MAP2K5: variants seen among roughly 807,000 people sequenced by gnomAD.
MAP2K5 encodes the protein mitogen-activated protein kinase kinase 5.
MAP2K5 carries 49 observed loss-of-function variants against 83.1 expected under a neutral mutation model. The ratio of observed to expected loss-of-function variants is 0.59; its 90% CI spans 0.47 to 0.75. The LOEUF (loss-of-function observed/expected upper bound fraction) is 0.75, where lower values mean the gene tolerates loss of function less well. Ranked by LOEUF, MAP2K5 falls within the 30% of genes least tolerant of loss-of-function variation. The probability of loss-of-function intolerance (pLI) is 0.00; values close to 1 mark genes in which losing one functional copy is unlikely to be tolerated. For synonymous variants in MAP2K5, 202 were observed against 191.8 expected, an observed-to-expected ratio of 1.05 and a Z score of -0.44; for missense variants, 457 against 557.5, an observed-to-expected ratio of 0.82 and a Z score of 1.82.
At position 67,748,413 on chromosome 15, in the gene MAP2K5, T is replaced by G; in HGVS notation, c.1101+156T>G. ...GTATTAGATTAGGTACCATTAGAAA[T>G]AATAGAACCTCCTGAGCATCAATGT... On this transcript the variant is annotated intron_variant, in intron 18 of 21. Transcript: ENST00000178640. The surrounding 1 kb of genome is among the most constrained non-coding windows in gnomAD (Gnocchi z 4.0). 1 of 826,902 alleles carries G rather than the reference T, an allele frequency of 1.2e-6. No individual in the cohort carries two copies. Among genetic ancestry groups the G allele is most frequent in the Non-Finnish European group, 2.0e-6 (1 of 511,114 alleles). The allele number at this position is 826,902 out of a possible 1,614,324, so 51.2% of individuals were successfully genotyped here. A position where few individuals can be genotyped will look rare whatever the true frequency, so the allele number is the denominator to read the frequency against.
chr15:67,727,946 G>A lies in MAP2K5; in HGVS notation c.1074+1G>A. ...TCTTGGGAGGTTTCCATATCCTCAG[G>A]TAAGATTGTTCATTACTGCTGTTTG... On this transcript the variant is annotated splice_donor_variant, in intron 17 of 21. Coordinates refer to ENST00000178640, the MANE Select transcript of MAP2K5 (RefSeq NM_145160.3). LOFTEE classifies it high-confidence loss of function. 2 of 1,611,450 alleles carry A rather than the reference G, an allele frequency of 1.2e-6. No individual in the cohort carries two copies. The highest frequency in any genetic ancestry group is 1.7e-6 in the Non-Finnish European group (2 of 1,177,664).
rs538395214 is a variant in MAP2K5 at position 67,602,558 on chromosome 15, G to A, written c.545+1809G>A. Among the ~76,000 whole-genome samples, 4 of 152,304 alleles carry A rather than the reference G, an allele frequency of 2.6e-5. No homozygotes were observed. The South Asian group carries it at 8.3e-4, about 32-fold the overall frequency. ...TTCCTAGCTTATTTCTAGAAGGGAAGAAGCATAAGACCATGAAACCCCAGC... is the reference window on the plus strand; with the variant it reads ...TTCCTAGCTTATTTCTAGAAGGGAAAAAGCATAAGACCATGAAACCCCAGC... On this transcript the variant is annotated intron_variant, in intron 8 of 21. Coordinates refer to ENST00000178640, the MANE Select transcript of MAP2K5 (RefSeq NM_145160.3).
At chr15:67,600,104 G>A (rs75307597) in intron 7 of MAP2K5, among the ~76,000 whole-genome samples, 2,556 of 151,964 alleles carry the variant, frequency 0.017, 80 homozygotes, top group African/African-American at 0.058. Flanking sequence ...CATTGATTTC[G>A]TGCTTTTCCA....
At chr15:67,593,095 C>A in intron 7 of MAP2K5, 121 bp downstream of exon 7, 1 of 660,726 alleles carries the variant, frequency 1.5e-6, no homozygotes. Context: ...AAATGAATAA[C>A]ATGGCTTAAT....
rs2090569894 is a variant in MAP2K5, at chr15:67,794,427, G to A, written c.1243-12219G>A. ...GTGCATTTCCTTTTTTAAAAAAGGAGGGGTCTGTTTCAGATGGAAAACATT... is the reference window on the plus strand; with the variant it reads ...GTGCATTTCCTTTTTTAAAAAAGGAAGGGTCTGTTTCAGATGGAAAACATT... On this transcript the variant is annotated intron_variant, in intron 21 of 21. Transcript: ENST00000178640. This position sits in a 1 kb window ranked among gnomAD's most constrained non-coding sequence, Gnocchi z 4.6. Among the ~76,000 whole-genome samples the A allele has an allele frequency of 6.6e-6, 1 of 151,924 alleles. No homozygotes were observed. The highest frequency in any genetic ancestry group is 6.6e-5 in the Admixed American group (1 of 15,246).
intron 13 of MAP2K5, among the ~76,000 whole-genome samples, chr15:67,680,477 A>T (rs1264662354): frequency 6.6e-6 from 1 of 152,174 alleles, no homozygotes; most frequent in African/African-American, 2.4e-5. Context: ...AATGTTTCAT[A>T]CTTTGTTAAA....
chr15:67,712,662 T>C (rs1009295560), intron 16 of MAP2K5, among the ~76,000 whole-genome samples: 4 of 152,130 alleles, frequency 2.6e-5, no homozygotes, highest in Non-Finnish European at 5.9e-5. Context: ...CTCAAGCCTG[T>C]AATCCCAACA....
At chr15:67,626,838 C>T (rs544349909) in intron 8 of MAP2K5, among the ~76,000 whole-genome samples, 1 of 152,016 alleles carries the variant, frequency 6.6e-6, no homozygotes, top group Non-Finnish European at 1.5e-5. Flanking sequence ...AGTTCAAGGT[C>T]ACAATGAACT....
At position 67,802,963 on chromosome 15, in the gene MAP2K5, G is replaced by A. The variant is rs768323111; in HGVS notation, c.1243-3683G>A. On this transcript the variant is annotated intron_variant, in intron 21 of 21. Transcript: ENST00000178640. The surrounding 1 kb of genome is among the most constrained non-coding windows in gnomAD (Gnocchi z 5.0). Reference sequence around the variant, plus strand: ...GATTGCAGGCACAGGAGAGCAAGGCGTTTGGAGTCGGAGACCCATGTTCTG... The same window carrying A: ...GATTGCAGGCACAGGAGAGCAAGGCATTTGGAGTCGGAGACCCATGTTCTG... 3.3e-5 allele frequency among the ~76,000 whole-genome samples: 5 copies of A among 152,228 alleles called. No homozygotes were observed. The highest frequency in any genetic ancestry group is 2.1e-4 in the South Asian group (1 of 4,836).
chr15:67,567,287 G>A (rs2084857763), intron 3 of MAP2K5, among the ~76,000 whole-genome samples: 1 of 151,218 alleles, frequency 6.6e-6, no homozygotes, highest in African/African-American at 2.4e-5. Context: ...TATGTTGTTA[G>A]AATATTCCAC....
intron 7 of MAP2K5, among the ~76,000 whole-genome samples, chr15:67,598,902 C>T (rs773779089): frequency 2.6e-5 from 4 of 152,158 alleles, no homozygotes; most frequent in Non-Finnish European, 4.4e-5. Flanking sequence ...GAGAGTGTAG[C>T]TTGTTAGTTA....
intron 21 of MAP2K5, among the ~76,000 whole-genome samples, chr15:67,800,235 G>T (rs535655841): frequency 6.6e-6 from 1 of 152,190 alleles, no homozygotes; most frequent in Non-Finnish European, 1.5e-5. Flanking sequence ...TAGATTGGTA[G>T]CTTTAAAACT....
intron 8 of MAP2K5, among the ~76,000 whole-genome samples, chr15:67,612,073 C>CTTTTTT (rs57650533): frequency 1.7e-5 from 2 of 117,240 alleles, no homozygotes; most frequent in South Asian, 2.8e-4. Context: ...CTTTGGTTTT[C>CTTTTTT]TTTTTTTTTT....
intron 13 of MAP2K5, among the ~76,000 whole-genome samples, chr15:67,674,263 C>T (rs1467839475): frequency 6.6e-6 from 1 of 152,092 alleles, no homozygotes; most frequent in Non-Finnish European, 1.5e-5. Context: ...CTAGTATGTG[C>T]GTTCTTCCTT....
intron 21 of MAP2K5, among the ~76,000 whole-genome samples, chr15:67,799,382 C>T (rs1217951129): frequency 6.6e-6 from 1 of 152,246 alleles, no homozygotes; most frequent in Non-Finnish European, 1.5e-5. Flanking sequence ...ATAACCCTCA[C>T]CTGCCCAGAG....
intron 17 of MAP2K5, among the ~76,000 whole-genome samples, chr15:67,735,133 C>T (rs1389618905): frequency 6.6e-6 from 1 of 152,198 alleles, no homozygotes; most frequent in Non-Finnish European, 1.5e-5. Flanking sequence ...TTGCCAGTGT[C>T]AAATTCTTCT....
chr15:67,706,478 A>G (rs564557486), intron 16 of MAP2K5, among the ~76,000 whole-genome samples: 70 of 152,284 alleles, frequency 4.6e-4, no homozygotes, highest in Non-Finnish European at 7.4e-4. Context: ...CCAGATGGTC[A>G]GGAGTGAGGG....
chr15:67,586,004 A>G lies in MAP2K5; in HGVS notation c.363+74A>G, dbSNP rs1024809446. On this transcript the variant is annotated intron_variant, in intron 5 of 21. Coordinates refer to ENST00000178640, the MANE Select transcript of MAP2K5 (RefSeq NM_145160.3). Reference sequence around the variant, plus strand: ...CTGTGTTCCACTTATTGAAATGTCAAATAAAACTGCACTTTCTCAAGCTCT... The same window carrying G: ...CTGTGTTCCACTTATTGAAATGTCAGATAAAACTGCACTTTCTCAAGCTCT... 1.8e-5 allele frequency: 24 copies of G among 1,324,498 alleles called. 1 individual carries two copies. Among genetic ancestry groups the G allele is most frequent in the Admixed American group, 1.2e-4 (7 of 59,362 alleles). 82.0% of individuals were successfully genotyped at this position (1,324,498 alleles called of 1,614,324 possible).
chr15:67,703,432 T>G, intron 16 of MAP2K5, 24 bp downstream of exon 16: 1 of 1,552,580 alleles, frequency 6.4e-7, no homozygotes, highest in Non-Finnish European at 8.9e-7. Context: ...ACATAGACGC[T>G]TCTGTGCATA....
Sources: allele counts gnomAD v4.1 joint callset (sites outside exome capture counted in the v4.1 genomes callset), GRCh38; gene constraint gnomAD v4.1.1; non-coding constraint Gnocchi (gnomAD v3.1); transcripts MANE v1.5; gene names NCBI Gene and HGNC (gene_info 2026-07-23, HGNC 2026-07-21).